Variants in OXR1 observed in about 807,000 individuals in gnomAD.
OXR1 encodes oxidation resistance 1.
In OXR1, 41 loss-of-function variants were observed where a neutral mutation model predicts 104.6. The ratio of observed to expected loss-of-function variants is 0.39; its 90% CI spans 0.31 to 0.51. The LOEUF (loss-of-function observed/expected upper bound fraction) is 0.51, where lower values mean the gene tolerates loss of function less well. OXR1 is among the 20% of genes least tolerant of loss of function. OXR1 has a pLI of 0.77. For missense variants in OXR1, 955 were observed against 1,031.9 expected (o/e 0.93, Z 1.02); for synonymous variants, 348 against 348.4 (o/e 1.00, Z 0.01).
intron 11 of OXR1, among the ~76,000 whole-genome samples, chr8:106,719,687 A>G (rs1318997976): frequency 1.3e-5 from 2 of 152,178 alleles, no homozygotes; most frequent in Non-Finnish European, 2.9e-5. Context: ...TGCTGTTTGC[A>G]TCCCCATAGT....
intron 3 of OXR1, chr8:106,617,955 G>A (rs1821378562): frequency 5.3e-6 from 5 of 942,684 alleles, no homozygotes; most frequent in Non-Finnish European, 6.3e-6. Context: ...TCACAGGGCA[G>A]GTACAGTGAG....
chr8:106,559,124 A>T (rs1816492995), intron 3 of OXR1, among the ~76,000 whole-genome samples: 1 of 152,194 alleles, frequency 6.6e-6, no homozygotes, highest in Non-Finnish European at 1.5e-5. Flanking sequence ...GAAATACCCC[A>T]TTTAATCACT....
At chr8:106,550,257 A>G (rs1319402091) in intron 3 of OXR1, among the ~76,000 whole-genome samples, 1 of 152,208 alleles carries the variant, frequency 6.6e-6, no homozygotes, top group East Asian at 1.9e-4. Context: ...GAAAAATGTT[A>G]TAGCCACTAC....
intron 3 of OXR1, among the ~76,000 whole-genome samples, chr8:106,676,596 T>A (rs989566085): frequency 5.3e-5 from 8 of 152,104 alleles, no homozygotes; most frequent in Non-Finnish European, 8.8e-5. Flanking sequence ...GAATTTTTTT[T>A]AAGAATGATG....
At chr8:106,427,437 G>T (rs1025252795) in intron 2 of OXR1, among the ~76,000 whole-genome samples, 1 of 152,160 alleles carries the variant, frequency 6.6e-6, no homozygotes, top group African/African-American at 2.4e-5. Context: ...AAAGGGCTGG[G>T]ATTACAGGCA....
chr8:106,623,439 G>A (rs933179982), intron 3 of OXR1, among the ~76,000 whole-genome samples: 2 of 151,882 alleles, frequency 1.3e-5, no homozygotes, highest in Non-Finnish European at 2.9e-5. Flanking sequence ...TGCATTGAAT[G>A]CCTATTATAT....
intron 2 of OXR1, among the ~76,000 whole-genome samples, chr8:106,517,796 G>A (rs1317906664): frequency 6.6e-6 from 1 of 152,112 alleles, no homozygotes; most frequent in African/African-American, 2.4e-5. Context: ...ATATGGATAA[G>A]GTAGAAATCA....
chr8:106,733,638 C>T (rs1246693674), intron 11 of OXR1, among the ~76,000 whole-genome samples: 2 of 151,732 alleles, frequency 1.3e-5, no homozygotes, highest in African/African-American at 2.4e-5. Context: ...GAAACCCCGT[C>T]TCTACAAAAA....
chr8:106,290,382 A>C (rs1812695688), intron 1 of OXR1, among the ~76,000 whole-genome samples: 1 of 152,206 alleles, frequency 6.6e-6, no homozygotes, highest in Non-Finnish European at 1.5e-5. Flanking sequence ...CCTTCTTGAC[A>C]TTAGCTTTGG....
At chr8:106,317,696 T>C (rs1014639144) in intron 1 of OXR1, among the ~76,000 whole-genome samples, 1 of 152,082 alleles carries the variant, frequency 6.6e-6, no homozygotes, top group Admixed American at 6.5e-5. Flanking sequence ...TTCTGGCAGC[T>C]TGAGGATCTG....
intron 2 of OXR1, among the ~76,000 whole-genome samples, chr8:106,390,204 A>G (rs754764612): frequency 3.3e-5 from 5 of 152,252 alleles, no homozygotes; most frequent in Admixed American, 2.0e-4. Context: ...TTAAAAATCT[A>G]TAATAAGAAA....
At chr8:106,430,260 G>GA (rs1819307140) in intron 2 of OXR1, among the ~76,000 whole-genome samples, 3 of 152,146 alleles carry the variant, frequency 2.0e-5, no homozygotes, top group Non-Finnish European at 4.4e-5. Flanking sequence ...ATGATGGAAT[G>GA]GAATTAGCTA....
intron 2 of OXR1, among the ~76,000 whole-genome samples, chr8:106,392,558 G>A (rs1817625144): frequency 6.6e-6 from 1 of 152,146 alleles, no homozygotes; most frequent in Admixed American, 6.6e-5. Context: ...TGGAAAACCT[G>A]TTGCTTATGA....
intron 1 of OXR1, among the ~76,000 whole-genome samples, chr8:106,295,747 A>C (rs998632713): frequency 6.6e-6 from 1 of 152,202 alleles, no homozygotes; most frequent in Non-Finnish European, 1.5e-5. Context: ...AACATCTACC[A>C]TGTGAAAAAG....
intron 2 of OXR1, among the ~76,000 whole-genome samples, chr8:106,494,314 G>A (rs768952637): frequency 1.2e-4 from 19 of 152,126 alleles, no homozygotes; most frequent in Non-Finnish European, 2.1e-4. Flanking sequence ...AGTTTTTGTA[G>A]CATTTGATGA....
chr8:106,420,730 T>TTG (rs6150748), intron 2 of OXR1, among the ~76,000 whole-genome samples: 7,502 of 147,216 alleles, frequency 0.051, 263 homozygotes, highest in African/African-American at 0.11. Context: ...CATTAAAATA[T>TTG]TGTGTGTGTG....
At chr8:106,715,414 A>C (rs994306692) in intron 11 of OXR1, among the ~76,000 whole-genome samples, 6 of 148,140 alleles carry the variant, frequency 4.1e-5, no homozygotes, top group Non-Finnish European at 8.9e-5. Context: ...AATATATATA[A>C]TACGTATATA....
At chr8:106,692,576 T>A in intron 6 of OXR1, 152 bp from the exon 7 acceptor site, 1 of 461,088 alleles carries the variant, frequency 2.2e-6, no homozygotes, top group Non-Finnish European at 3.8e-6. Flanking sequence ...TCCTATAATT[T>A]GTACGTAAAA....
chr8:106,696,142 A>G (rs1186803378), intron 7 of OXR1, among the ~76,000 whole-genome samples: 1 of 150,878 alleles, frequency 6.6e-6, no homozygotes, highest in African/African-American at 2.4e-5. Flanking sequence ...CTTTCCCTGA[A>G]CTCCTGATAA....
Sources: gnomAD v4.1 joint callset for allele counts (sites outside exome capture counted in the v4.1 genomes callset) on GRCh38, gnomAD v4.1.1 for gene constraint, MANE v1.5 for transcripts, NCBI Gene and HGNC (gene_info 2026-07-23, HGNC 2026-07-21) for gene names.